Variants in SERINC5 observed in about 807,000 individuals in gnomAD.
SERINC5 encodes chromosome 5 open reading frame 12.
In SERINC5, 41 loss-of-function variants were observed where a neutral mutation model predicts 63.1. The observed-to-expected ratio is 0.65, with a 90% CI of 0.51 to 0.84. The LOEUF (loss-of-function observed/expected upper bound fraction) is 0.84, where lower values mean the gene tolerates loss of function less well. Ranked by LOEUF, SERINC5 falls within the 40% of genes least tolerant of loss-of-function variation. SERINC5 has a pLI of 0.00. For synonymous variants in SERINC5, 222 were observed against 215.2 expected (o/e 1.03, Z -0.28); for missense variants, 523 against 573.0 (o/e 0.91, Z 0.89).
In SERINC5 at chr5:80,141,144, G is replaced by A; in HGVS notation, c.*2519C>T. 1.0e-6 allele frequency: 1 copy of A among 985,266 alleles called. No homozygotes were observed. Among genetic ancestry groups the A allele is most frequent in the Non-Finnish European group, 1.2e-6 (1 of 829,856 alleles). 61.0% of individuals were successfully genotyped at this position (985,266 alleles called of 1,614,324 possible). ...TGCATTGATAGTCCCTCAATCCTCA[G>A]ATACATCCACATCTGTTTTGTTCAT... On this transcript the variant is annotated 3_prime_UTR_variant, in exon 12 of 12. Transcript: ENST00000507668.
At chr5:80,118,202 C>CA (rs952877645) in intron 11 of SERINC5, among the ~76,000 whole-genome samples, 34 of 148,408 alleles carry the variant, frequency 2.3e-4, no homozygotes, top group African/African-American at 7.2e-4. Context: ...GACTCCACCT[C>CA]AAAAAAAAAA....
chr5:80,195,203 T>C (rs971275972), intron 2 of SERINC5, among the ~76,000 whole-genome samples: 2 of 151,854 alleles, frequency 1.3e-5, no homozygotes, highest in Non-Finnish European at 2.9e-5. Flanking sequence ...GGAGAATCCC[T>C]TGAACCTGGG....
rs1451453546 is a variant in SERINC5 at position 80,185,663 on chromosome 5, ACAGT to A, written c.196-7603_196-7600del. On this transcript the variant is annotated intron_variant, in intron 2 of 11. Transcript: ENST00000507668. ...AGATTTGGGCAGGTAAAGGAAAATT[ACAGT>A]CAAAGGGGGTTCGTTCTCTGGTGGG... Among the ~76,000 whole-genome samples, 3 of 152,214 alleles carry A rather than the reference ACAGT, an allele frequency of 2.0e-5. No individual in the cohort carries two copies. The South Asian group carries it at 6.2e-4, about 32-fold the overall frequency.
chr5:80,212,179 A>T (rs1750464810), intron 1 of SERINC5, among the ~76,000 whole-genome samples: 2 of 152,176 alleles, frequency 1.3e-5, no homozygotes. Context: ...GAGCTACAAA[A>T]ATTATAATAC....
Position 80,177,882 on chromosome 5 carries a change from T to G in SERINC5, c.374+4A>C. The G allele has an allele frequency of 6.2e-7, 1 of 1,602,396 alleles. No individual in the cohort carries two copies. The highest frequency in any genetic ancestry group is 8.5e-7 in the Non-Finnish European group (1 of 1,175,054). ...GCAATCCCCAAGAAGACTAAAATAC[T>G]TACCCATTGTGAATATGAGCTCTAC... is the stretch of plus-strand genomic sequence containing the variant. On this transcript the variant is annotated splice_donor_region_variant and intron_variant, in intron 3 of 11. Coordinates refer to ENST00000507668, the MANE Select transcript of SERINC5 (RefSeq NM_001174072.3).
rs368153317 is a variant in SERINC5, at chr5:80,201,426, C to T, written c.195+1460G>A. Among the ~76,000 whole-genome samples, 118 of 152,352 alleles carry T rather than the reference C, an allele frequency of 7.7e-4. No individual in the cohort carries two copies. The South Asian group carries it at 0.023, about 30-fold the overall frequency. On this transcript the variant is annotated intron_variant, in intron 2 of 11. Transcript: ENST00000507668. ...GCAAACTGCGCCCTTGCAAAGAAGT[C>T]TGCCCTTCCCGGGCACTGATGGTGC...
At chr5:80,161,802 C>T (rs980285553) in intron 7 of SERINC5, among the ~76,000 whole-genome samples, 2 of 152,114 alleles carry the variant, frequency 1.3e-5, no homozygotes, top group East Asian at 1.9e-4. Context: ...GAAGAGTTTT[C>T]CTAGGTTTTC....
chr5:80,216,953 T>C (rs772945302), intron 1 of SERINC5, among the ~76,000 whole-genome samples: 1 of 152,000 alleles, frequency 6.6e-6, no homozygotes, highest in Non-Finnish European at 1.5e-5. Flanking sequence ...TGAGGTTACA[T>C]TGAGCTGAGA....
In SERINC5 at chr5:80,120,681, G is replaced by C. The variant is rs185847440; in HGVS notation, c.1239-7056C>G. On this transcript the variant is annotated intron_variant, in intron 11 of 12. Transcript: ENST00000509193. ...ATACAAAAAATTAGCCAGGTGTGGG[G>C]GCAGGCGCCTGTAATCCCAGCTATT... Among the ~76,000 whole-genome samples the C allele has an allele frequency of 6.3e-3, 955 of 152,012 alleles. 2 individuals are homozygous for C. The highest frequency in any genetic ancestry group is 9.8e-3 in the Non-Finnish European group (665 of 67,982).
intron 8 of SERINC5, among the ~76,000 whole-genome samples, chr5:80,155,302 C>T (rs780144788): frequency 9.9e-5 from 15 of 152,214 alleles, no homozygotes; most frequent in Non-Finnish European, 1.0e-4. Flanking sequence ...TGGCGGCTCA[C>T]GCCTGTAATC....
Position 80,143,580 on chromosome 5 carries a change from C to G in SERINC5, c.*83G>C. 1 of 1,454,884 alleles carries G rather than the reference C, an allele frequency of 6.9e-7. No homozygotes were observed. The highest frequency in any genetic ancestry group is 1.4e-5 in the African/African-American group (1 of 70,788). 90.1% of individuals were successfully genotyped at this position (1,454,884 alleles called of 1,614,324 possible). A position where few individuals can be genotyped will look rare whatever the true frequency, so the allele number is the denominator to read the frequency against. Reference sequence around the variant, plus strand: ...TCAGACCCACTCAGGCACAGGGCGCCAGTCCCTGCCCCGGGGACACTGTTC... The same window carrying G: ...TCAGACCCACTCAGGCACAGGGCGCGAGTCCCTGCCCCGGGGACACTGTTC... On this transcript the variant is annotated 3_prime_UTR_variant, in exon 12 of 12. Transcript: ENST00000507668.
intron 11 of SERINC5, among the ~76,000 whole-genome samples, chr5:80,118,609 A>G (rs1390744793): frequency 6.6e-6 from 1 of 151,782 alleles, no homozygotes; most frequent in Non-Finnish European, 1.5e-5. Context: ...GTACAGTGGC[A>G]CAATTTTGGC....
At chr5:80,116,425 T>C (rs1452666769) in intron 11 of SERINC5, 6 of 430,080 alleles carry the variant, frequency 1.4e-5, no homozygotes, top group Admixed American at 2.8e-5. Context: ...ATGAACCTTA[T>C]CAGAAACTTC....
rs1040800652 is a variant in SERINC5, at chr5:80,244,606, T to A, written c.27+11290A>T. ...AGCACTTTGGGAGGCTGAGGCGGGT[T>A]GATCAGGAGTTCGAGATCAGCCTGA... On this transcript the variant is annotated intron_variant, in intron 1 of 11. Coordinates refer to ENST00000507668, the MANE Select transcript of SERINC5 (RefSeq NM_001174072.3). 4.6e-5 allele frequency among the ~76,000 whole-genome samples: 7 copies of A among 151,386 alleles called. No homozygotes were observed. The East Asian group carries it at 9.9e-4, about 21-fold the overall frequency.
intron 7 of SERINC5, among the ~76,000 whole-genome samples, chr5:80,160,920 ATGTGTG>A (rs145818274): frequency 1.0e-4 from 15 of 148,984 alleles, no homozygotes; most frequent in Non-Finnish European, 2.1e-4. Context: ...AGATATATAT[ATGTGTG>A]TGTGTGTGTA....
chr5:80,164,091 TC>T (rs971886482), intron 7 of SERINC5, among the ~76,000 whole-genome samples: 2 of 152,182 alleles, frequency 1.3e-5, no homozygotes, highest in Non-Finnish European at 2.9e-5. Flanking sequence ...CTTCTTGCTT[TC>T]CAGAAATGTA....
intron 2 of SERINC5, among the ~76,000 whole-genome samples, chr5:80,178,293 C>T (rs1748173912): frequency 6.6e-6 from 1 of 152,090 alleles, no homozygotes; most frequent in South Asian, 2.1e-4. Flanking sequence ...CCCCAAATGA[C>T]TTCTGAAATC....
intron 5 of SERINC5, among the ~76,000 whole-genome samples, chr5:80,170,015 A>C (rs1747546946): frequency 6.6e-6 from 1 of 152,118 alleles, no homozygotes; most frequent in Admixed American, 6.6e-5. Flanking sequence ...GGCACGCAGG[A>C]AAAGGGGGCA....
At chr5:80,162,712 A>G (rs1375002557) in intron 7 of SERINC5, among the ~76,000 whole-genome samples, 1 of 152,076 alleles carries the variant, frequency 6.6e-6, no homozygotes, top group East Asian at 1.9e-4. Context: ...AGTAGTTTTC[A>G]TTGTAAAGAT....
Sources: allele counts gnomAD v4.1 joint callset (sites outside exome capture counted in the v4.1 genomes callset), GRCh38; gene constraint gnomAD v4.1.1; transcripts MANE v1.5; gene names NCBI Gene and HGNC (gene_info 2026-07-23, HGNC 2026-07-21).